The following CHD9 variants were observed in gnomAD, a reference collection of about 807,000 sequenced individuals.
CHD9 encodes the protein ATP-dependent chromatin remodeler CHD9.
A neutral mutation model predicts 316.1 loss-of-function variants in CHD9; 77 were observed. The ratio of observed to expected loss-of-function variants is 0.24; its 90% CI spans 0.20 to 0.29. The LOEUF (loss-of-function observed/expected upper bound fraction) is 0.29. Ranked by LOEUF, CHD9 falls within the 10% of genes least tolerant of loss-of-function variation. The pLI is 1.00. For synonymous variants in CHD9, 1,129 were observed against 1,158.3 expected (o/e 0.97, Z 0.51); for missense variants, 2,763 against 3,438.1 (o/e 0.80, Z 4.91).
At chr16:53,273,110 A>G (rs539675753) in intron 22 of CHD9, among the ~76,000 whole-genome samples, 1 of 151,968 alleles carries the variant, frequency 6.6e-6, no homozygotes. Context: ...CAAAACAACA[A>G]AAAAAAACTA....
chr16:53,222,983 T>C (rs1373665065), intron 4 of CHD9, among the ~76,000 whole-genome samples: 4 of 152,206 alleles, frequency 2.6e-5, no homozygotes, highest in Non-Finnish European at 5.9e-5. Context: ...TTTCAGATAA[T>C]GAAACTGAAG....
Position 53,326,538 on chromosome 16 carries a change from T to C in CHD9, c.*1643T>C, listed in dbSNP as rs935313227. The C allele has an allele frequency of 6.6e-6, 1 of 152,510 alleles. No homozygotes were observed. Among genetic ancestry groups the C allele is most frequent in the African/African-American group, 2.4e-5 (1 of 41,472 alleles). The allele number at this position is 152,510 out of a possible 1,614,324, so 9.4% of individuals were successfully genotyped here. A position where few individuals can be genotyped will look rare whatever the true frequency, so the allele number is the denominator to read the frequency against. Reference sequence around the variant, plus strand: ...AGTGTTATATGTATTTACAAAATTATATAAGTTCCATTGGGATTGTATTGA... The same window carrying C: ...AGTGTTATATGTATTTACAAAATTACATAAGTTCCATTGGGATTGTATTGA... On this transcript the variant is annotated 3_prime_UTR_variant, in exon 39 of 39. Coordinates refer to ENST00000447540, the MANE Select transcript of CHD9 (RefSeq NM_001308319.2).
intron 1 of CHD9, among the ~76,000 whole-genome samples, chr16:53,091,006 C>CT (rs923553405): frequency 5.9e-5 from 9 of 151,876 alleles, no homozygotes; most frequent in Non-Finnish European, 1.3e-4. Flanking sequence ...AGCTCACCCC[C>CT]CCCCGACTGA....
intron 31 of CHD9, 34 bp from the exon 32 acceptor site, chr16:53,306,203 C>T: frequency 1.5e-6 from 2 of 1,317,724 alleles, no homozygotes; most frequent in Non-Finnish European, 2.0e-6. Context: ...TTTATGTAGT[C>T]TTTTTAAAAA....
At chr16:53,120,136 G>A (rs1489631948) in intron 1 of CHD9, among the ~76,000 whole-genome samples, 1 of 152,120 alleles carries the variant, frequency 6.6e-6, no homozygotes, top group Non-Finnish European at 1.5e-5. Context: ...GTAGGCTGAG[G>A]TAAGAGGATC....
chr16:53,147,705 CTGAG>C (rs987058747), intron 1 of CHD9, among the ~76,000 whole-genome samples: 54 of 152,112 alleles, frequency 3.6e-4, no homozygotes, highest in Non-Finnish European at 6.2e-4. Flanking sequence ...CTTTTTATGA[CTGAG>C]TAAGATTCTA....
chr16:53,149,793 C>G (rs888753625), intron 1 of CHD9, among the ~76,000 whole-genome samples: 1 of 132,104 alleles, frequency 7.6e-6, no homozygotes, highest in African/African-American at 2.7e-5. Flanking sequence ...CTCCTGGCCT[C>G]AAGCAGTACT....
intron 19 of CHD9, among the ~76,000 whole-genome samples, chr16:53,257,330 G>T (rs2050694687): frequency 6.6e-6 from 1 of 152,146 alleles, no homozygotes; most frequent in Admixed American, 6.5e-5. Context: ...TGATCCTAAG[G>T]CAGTTAAGCT....
At chr16:53,131,784 A>G (rs1358566971) in intron 1 of CHD9, among the ~76,000 whole-genome samples, 2 of 152,006 alleles carry the variant, frequency 1.3e-5, no homozygotes, top group Non-Finnish European at 2.9e-5. Context: ...GACGTCCCGG[A>G]GCACGGGACG....
At chr16:53,197,093 T>G (rs1354255989) in intron 2 of CHD9, among the ~76,000 whole-genome samples, 4 of 152,080 alleles carry the variant, frequency 2.6e-5, no homozygotes, top group Admixed American at 2.6e-4. Flanking sequence ...TTAATTGTGT[T>G]AAAAATAAGG....
At position 53,124,949 on chromosome 16, in the gene CHD9, A is replaced by G. The variant is rs529936703; in HGVS notation, c.-164-30977A>G. Among the ~76,000 whole-genome samples, 7 of 152,164 alleles carry G rather than the reference A, an allele frequency of 4.6e-5. No individual in the cohort carries two copies. In the East Asian group the frequency reaches 1.2e-3, roughly 25 times the overall value. On this transcript the variant is annotated intron_variant, in intron 1 of 38. Transcript: ENST00000447540. ...ACACTTACTATTGTTTGTCTTTTTTATTGTAGCCATCCTGATGAGAGTGAA... is the reference window on the plus strand; with the variant it reads ...ACACTTACTATTGTTTGTCTTTTTTGTTGTAGCCATCCTGATGAGAGTGAA...
At chr16:53,229,383 T>C (rs2047966019) in intron 8 of CHD9, among the ~76,000 whole-genome samples, 1 of 152,192 alleles carries the variant, frequency 6.6e-6, no homozygotes, top group African/African-American at 2.4e-5. Flanking sequence ...ACCAATAATA[T>C]ATCAGCAAAG....
chr16:53,321,568 T>C lies in CHD9; in HGVS notation c.7756T>C (p.Phe2586Leu). ...TCCCCCTTTGAAAGATTTATGTAGA[T>C]TCCTAAAAGAAAATTCAGAATATGG... is the stretch of plus-strand genomic sequence containing the variant. ...FAPPLKDLCR[F>L]LKENSEYGVA... is the part of the protein sequence containing the mutation. The change falls in exon 38 of 39, where the codon TTC (phenylalanine) becomes CTC (leucine). Residue 2586 changes from phenylalanine to leucine, a missense_variant. Phe to Leu is a conservative substitution (Grantham distance 22). Around this residue, in one of 15 missense-constraint regions of CHD9, gnomAD observed 298 missense variants for 380.2 expected, o/e 0.78. Coordinates refer to ENST00000447540, the MANE Select transcript of CHD9 (RefSeq NM_001308319.2). 1 of 1,555,030 alleles carries C rather than the reference T, an allele frequency of 6.4e-7. No individual in the cohort carries two copies. The highest frequency in any genetic ancestry group is 8.7e-7 in the Non-Finnish European group (1 of 1,145,422).
chr16:53,235,126 G>T, intron 10 of CHD9, 59 bp from the exon 11 acceptor site: 1 of 1,405,914 alleles, frequency 7.1e-7, no homozygotes, highest in East Asian at 2.5e-5. Context: ...AATGCTTTTT[G>T]CCTTCAGTAT....
At chr16:53,270,383 A>C (rs1180091146) in intron 22 of CHD9, among the ~76,000 whole-genome samples, 1 of 152,104 alleles carries the variant, frequency 6.6e-6, no homozygotes, top group East Asian at 1.9e-4. Context: ...CTATTATTGC[A>C]TCTTAGGGCT....
chr16:53,150,435 A>G (rs975771152), intron 1 of CHD9, among the ~76,000 whole-genome samples: 1 of 152,170 alleles, frequency 6.6e-6, no homozygotes, highest in African/African-American at 2.4e-5. Flanking sequence ...ACATCGGTCT[A>G]CATTGTGTGC....
intron 10 of CHD9, among the ~76,000 whole-genome samples, chr16:53,234,908 T>C (rs562359558): frequency 6.6e-6 from 1 of 152,306 alleles, no homozygotes; most frequent in African/African-American, 2.4e-5. Flanking sequence ...TATTTGCATC[T>C]TTGTTCGTGA....
At chr16:53,213,892 C>T (rs1293464494) in intron 3 of CHD9, among the ~76,000 whole-genome samples, 1 of 152,092 alleles carries the variant, frequency 6.6e-6, no homozygotes, top group African/African-American at 2.4e-5. Context: ...TATGATTAAA[C>T]TCTTCCTTTT....
chr16:53,145,497 A>C (rs1378506243), intron 1 of CHD9, among the ~76,000 whole-genome samples: 1 of 151,144 alleles, frequency 6.6e-6, no homozygotes, highest in Non-Finnish European at 1.5e-5. Context: ...ACCTGAGGTC[A>C]GGAGTATGAG....
Sources: allele counts gnomAD v4.1 joint callset (sites outside exome capture counted in the v4.1 genomes callset), GRCh38; gene constraint gnomAD v4.1.1; regional missense constraint gnomAD v4.1.1; transcripts MANE v1.5; gene names NCBI Gene and HGNC (gene_info 2026-07-23, HGNC 2026-07-21).